The following FER variants were observed in gnomAD, a reference collection of about 807,000 sequenced individuals.
The protein encoded by FER is tyrosine-protein kinase Fer.
FER carries 63 observed loss-of-function variants against 111.0 expected under a neutral mutation model. The ratio of observed to expected loss-of-function variants is 0.57; its 90% CI spans 0.46 to 0.70. The LOEUF (loss-of-function observed/expected upper bound fraction) is 0.70, where lower values mean the gene tolerates loss of function less well. FER is among the 30% of genes least tolerant of loss of function. The pLI, the probability that FER is intolerant of heterozygous loss-of-function variation, is 0.00. For missense variants in FER, 914 were observed against 954.0 expected (o/e 0.96, Z 0.55); for synonymous variants, 327 against 313.9 (o/e 1.04, Z -0.44).
At chr5:108,994,520 G>A (rs1418020496) in intron 13 of FER, among the ~76,000 whole-genome samples, 1 of 152,120 alleles carries the variant, frequency 6.6e-6, no homozygotes, top group East Asian at 1.9e-4. Flanking sequence ...TAGTCTTGTA[G>A]TATAGTTTGA....
chr5:108,919,619 A>G (rs1253622843), intron 10 of FER, among the ~76,000 whole-genome samples: 1 of 152,208 alleles, frequency 6.6e-6, no homozygotes, highest in Non-Finnish European at 1.5e-5. Context: ...TACTTTATTT[A>G]CTACTGGCAA....
At chr5:109,056,931 A>T in intron 16 of FER, among the ~76,000 whole-genome samples, 1 of 152,094 alleles carries the variant, frequency 6.6e-6, no homozygotes, top group East Asian at 1.9e-4. Context: ...GCATTTCCAT[A>T]TTAATTTTAG....
chr5:109,157,945 T>C (rs1755580752), intron 17 of FER, among the ~76,000 whole-genome samples: 1 of 152,146 alleles, frequency 6.6e-6, no homozygotes, highest in Non-Finnish European at 1.5e-5. Context: ...TGACGAATAT[T>C]GCTATGGTAT....
At chr5:108,761,717 G>A (rs1751772926) in intron 1 of FER, among the ~76,000 whole-genome samples, 1 of 152,122 alleles carries the variant, frequency 6.6e-6, no homozygotes, top group South Asian at 2.1e-4. Context: ...AGTGCAGAAA[G>A]TCGAAGTGCA....
intron 5 of FER, among the ~76,000 whole-genome samples, chr5:108,840,216 T>A (rs900683298): frequency 2.6e-5 from 4 of 152,144 alleles, no homozygotes; most frequent in African/African-American, 9.7e-5. Context: ...CAATTATCAT[T>A]TCTAATAAAA....
chr5:108,927,271 T>TTTTTTA (rs1753893654), intron 10 of FER, among the ~76,000 whole-genome samples: 2 of 134,242 alleles, frequency 1.5e-5, no homozygotes, highest in Admixed American at 7.2e-5. Flanking sequence ...TTTTTTTTTT[T>TTTTTTA]GAGACGGAGT....
At chr5:108,834,670 G>T (rs1361231430) in intron 4 of FER, among the ~76,000 whole-genome samples, 1 of 147,078 alleles carries the variant, frequency 6.8e-6, no homozygotes, top group Non-Finnish European at 1.5e-5. Context: ...TGCCCTAACA[G>T]CCTGGGCAAC....
intron 8 of FER, among the ~76,000 whole-genome samples, chr5:108,874,574 G>A (rs1164539638): frequency 6.7e-6 from 1 of 150,334 alleles, no homozygotes; most frequent in Non-Finnish European, 1.5e-5. Flanking sequence ...AAAACTGTAT[G>A]TATTTTTTTA....
chr5:109,018,334 A>G (rs1300915686), intron 13 of FER, among the ~76,000 whole-genome samples: 1 of 151,880 alleles, frequency 6.6e-6, no homozygotes, highest in Non-Finnish European at 1.5e-5. Flanking sequence ...TTATATAAAG[A>G]TTTGCGACTG....
rs181883215 is a variant in FER at position 109,042,882 on chromosome 5, C to T, written c.1714-1798C>T. On this transcript the variant is annotated intron_variant, in intron 14 of 19. Coordinates refer to ENST00000281092, the MANE Select transcript of FER (RefSeq NM_005246.4). The stretch of plus-strand genomic sequence containing the variant: ...AACAGTTGGGGGTTATAATGTGGAG[C>T]TATATAGAGGCCAAGAAAGTGATAG... 5.3e-5 allele frequency among the ~76,000 whole-genome samples: 8 copies of T among 152,016 alleles called. No individual in the cohort carries two copies. In the South Asian group the frequency reaches 8.3e-4, roughly 16 times the overall value.
intron 17 of FER, among the ~76,000 whole-genome samples, chr5:109,153,474 C>T (rs1379795892): frequency 1.3e-5 from 2 of 151,800 alleles, no homozygotes; most frequent in Non-Finnish European, 2.9e-5. Flanking sequence ...TTTGACTTAA[C>T]GGTTGTATTT....
At chr5:109,025,655 A>C (rs1467399795) in intron 13 of FER, among the ~76,000 whole-genome samples, 1 of 151,348 alleles carries the variant, frequency 6.6e-6, no homozygotes, top group Non-Finnish European at 1.5e-5. Flanking sequence ...TTCCAACACT[A>C]TGTTGAATAG....
intron 10 of FER, among the ~76,000 whole-genome samples, chr5:108,913,778 A>G (rs1365526926): frequency 6.6e-6 from 1 of 152,240 alleles, no homozygotes; most frequent in East Asian, 1.9e-4. Context: ...AGTAGAATAC[A>G]TAAATTGTGG....
chr5:108,911,528 A>G (rs1266559563), intron 10 of FER, among the ~76,000 whole-genome samples: 1 of 152,108 alleles, frequency 6.6e-6, no homozygotes. Flanking sequence ...TGTTGTCATA[A>G]ATTCTTCGTG....
At position 108,782,963 on chromosome 5, in the gene FER, A is replaced by G. The variant is rs913575718; in HGVS notation, c.-60+14725A>G. Among the ~76,000 whole-genome samples the G allele has an allele frequency of 2.0e-5, 3 of 152,154 alleles. No individual in the cohort carries two copies. In the East Asian group the frequency reaches 5.8e-4, roughly 29 times the overall value. ...ATTCCTGGATTCTCTGTTCTGTTTCATTGATCTATTTTCTGTCTTCTACTA... is the reference window on the plus strand; with the variant it reads ...ATTCCTGGATTCTCTGTTCTGTTTCGTTGATCTATTTTCTGTCTTCTACTA... On this transcript the variant is annotated intron_variant, in intron 2 of 19. Coordinates refer to ENST00000281092, the MANE Select transcript of FER (RefSeq NM_005246.4).
chr5:109,118,136 G>T (rs1329373458), intron 17 of FER, among the ~76,000 whole-genome samples: 3 of 152,080 alleles, frequency 2.0e-5, no homozygotes, highest in African/African-American at 7.2e-5. Context: ...TATGATATTG[G>T]CTGTGGGTTT....
chr5:109,097,232 A>T (rs1747650822), intron 16 of FER, among the ~76,000 whole-genome samples: 1 of 151,920 alleles, frequency 6.6e-6, no homozygotes, highest in Admixed American at 6.6e-5. Flanking sequence ...TCACCAAGTC[A>T]TGCTATCTCC....
chr5:108,879,701 A>AAAAAAATATATATATATATATATATATAT, intron 8 of FER, among the ~76,000 whole-genome samples: 3 of 99,092 alleles, frequency 3.0e-5, no homozygotes, highest in Admixed American at 9.8e-5. Context: ...ATTAAAAAAA[A>AAAAAAATATATATATATATATATATATAT]ATATATATAT....
chr5:109,138,396 A>G (rs996863565), intron 17 of FER, among the ~76,000 whole-genome samples: 3 of 152,184 alleles, frequency 2.0e-5, no homozygotes, highest in Non-Finnish European at 4.4e-5. Flanking sequence ...TGGGAATCCA[A>G]GGTACAGCAT....
Sources: gnomAD v4.1 joint callset for allele counts (sites outside exome capture counted in the v4.1 genomes callset) on GRCh38, gnomAD v4.1.1 for gene constraint, MANE v1.5 for transcripts, NCBI Gene and HGNC (gene_info 2026-07-23, HGNC 2026-07-21) for gene names.